The following MAML3 variants were observed in gnomAD, a reference collection of about 807,000 sequenced individuals.
MAML3 encodes mastermind like transcriptional coactivator 3, also known as mastermind-like protein 3.
A neutral mutation model predicts 101.9 loss-of-function variants in MAML3; 27 were observed. That is an observed-to-expected ratio of 0.27 (90% CI 0.20 to 0.37). The LOEUF (loss-of-function observed/expected upper bound fraction) is 0.37, where lower values mean the gene tolerates loss of function less well. Ranked by LOEUF, MAML3 falls within the 10% of genes least tolerant of loss-of-function variation. The pLI is 1.00. For synonymous variants in MAML3, 501 were observed against 555.9 expected (o/e 0.90, Z 1.39); for missense variants, 1,316 against 1,444.9 (o/e 0.91, Z 1.45).
At chr4:140,122,085 G>A (rs1728615224) in intron 1 of MAML3, among the ~76,000 whole-genome samples, 1 of 152,014 alleles carries the variant, frequency 6.6e-6, no homozygotes, top group African/African-American at 2.4e-5. Context: ...ACTGCGAGTC[G>A]ATTAAATCTC....
At chr4:139,823,641 C>T (rs764161848) in intron 2 of MAML3, among the ~76,000 whole-genome samples, 26 of 151,986 alleles carry the variant, frequency 1.7e-4, no homozygotes, top group African/African-American at 6.0e-4. Context: ...ATCATCATTC[C>T]GCCTTCCCTC....
At chr4:139,803,897 G>T (rs970166064) in intron 2 of MAML3, among the ~76,000 whole-genome samples, 2 of 152,164 alleles carry the variant, frequency 1.3e-5, no homozygotes, top group Non-Finnish European at 2.9e-5. Flanking sequence ...TCAATGTGGG[G>T]TCTTGGTTCC....
chr4:139,933,995 A>C (rs549868543), intron 1 of MAML3, among the ~76,000 whole-genome samples: 1 of 152,198 alleles, frequency 6.6e-6, no homozygotes, highest in African/African-American at 2.4e-5. Flanking sequence ...ATGTGTGACT[A>C]TATGTGAATG....
intron 1 of MAML3, among the ~76,000 whole-genome samples, chr4:140,071,339 G>A (rs534144979): frequency 6.6e-6 from 1 of 152,228 alleles, no homozygotes; most frequent in South Asian, 2.1e-4. Flanking sequence ...CTTTAGCAAG[G>A]AAATGGATCT....
intron 1 of MAML3, among the ~76,000 whole-genome samples, chr4:139,949,483 C>T (rs561448206): frequency 2.0e-4 from 31 of 152,152 alleles, no homozygotes; most frequent in African/African-American, 2.9e-4. Flanking sequence ...GATTATGCCA[C>T]GTACAATCTG....
chr4:139,836,111 C>CA (rs768642940), intron 2 of MAML3, among the ~76,000 whole-genome samples: 4 of 152,142 alleles, frequency 2.6e-5, no homozygotes, highest in Non-Finnish European at 5.9e-5. Flanking sequence ...GCTGAAATGC[C>CA]AGTAAGAAGA....
chr4:140,017,912 C>T (rs1209049830), intron 1 of MAML3, among the ~76,000 whole-genome samples: 2 of 151,580 alleles, frequency 1.3e-5, no homozygotes, highest in Admixed American at 6.6e-5. Context: ...TAAAATATTA[C>T]CATTTGGGGG....
chr4:139,767,600 G>A (rs1729891416), intron 2 of MAML3, among the ~76,000 whole-genome samples: 1 of 152,172 alleles, frequency 6.6e-6, no homozygotes, highest in African/African-American at 2.4e-5. Flanking sequence ...CACATACCTG[G>A]TGATTTTGGA....
chr4:139,847,266 C>A (rs1731467300), intron 2 of MAML3, among the ~76,000 whole-genome samples: 1 of 152,170 alleles, frequency 6.6e-6, no homozygotes, highest in Non-Finnish European at 1.5e-5. Context: ...TTAGCCTAGA[C>A]CCCAGTTTGT....
intron 2 of MAML3, among the ~76,000 whole-genome samples, chr4:139,733,384 G>A (rs1321564366): frequency 6.6e-6 from 1 of 152,114 alleles, no homozygotes; most frequent in Non-Finnish European, 1.5e-5. Context: ...CTTGTCCTGT[G>A]TGACCAGCCC....
intron 1 of MAML3, among the ~76,000 whole-genome samples, chr4:140,130,853 T>C (rs1313178910): frequency 6.6e-6 from 1 of 152,100 alleles, no homozygotes; most frequent in Non-Finnish European, 1.5e-5. Flanking sequence ...AAACCTTGCT[T>C]TCAAGTTGCT....
At chr4:139,755,351 C>G (rs1160814555) in intron 2 of MAML3, among the ~76,000 whole-genome samples, 2 of 152,200 alleles carry the variant, frequency 1.3e-5, no homozygotes, top group African/African-American at 4.8e-5. Flanking sequence ...GCCTGTAATC[C>G]CAGCACAGGC....
chr4:140,079,894 T>G (rs1020074613), intron 1 of MAML3, among the ~76,000 whole-genome samples: 2 of 152,242 alleles, frequency 1.3e-5, no homozygotes, highest in South Asian at 4.1e-4. Context: ...GTAAAATGTA[T>G]GTACTCATAG....
chr4:139,848,897 G>A (rs1348139537), intron 2 of MAML3, among the ~76,000 whole-genome samples: 3 of 152,184 alleles, frequency 2.0e-5, no homozygotes, highest in African/African-American at 7.2e-5. Flanking sequence ...CTTTGGCCAT[G>A]ATTTTGGGCT....
In MAML3 at chr4:140,137,970, C is replaced by T. The variant is rs1283751386; in HGVS notation, c.468+14890G>A. Reference sequence around the variant, plus strand: ...AAACTACTGTTACATCTTTCTGAACCTTCCAATTCCAATCTCAACCACAAA... The same window carrying T: ...AAACTACTGTTACATCTTTCTGAACTTTCCAATTCCAATCTCAACCACAAA... On this transcript the variant is annotated intron_variant, in intron 1 of 4. Transcript: ENST00000509479. Among the ~76,000 whole-genome samples the T allele has an allele frequency of 2.0e-5, 3 of 152,206 alleles. No homozygotes were observed. In the East Asian group the frequency reaches 5.8e-4, roughly 29 times the overall value.
At chr4:139,997,864 T>C (rs1734846510) in intron 1 of MAML3, among the ~76,000 whole-genome samples, 1 of 152,156 alleles carries the variant, frequency 6.6e-6, no homozygotes, top group Admixed American at 6.5e-5. Flanking sequence ...CTTTTAGTAT[T>C]CTGTCATTCT....
chr4:139,883,425 T>C (rs1442559385), intron 2 of MAML3, among the ~76,000 whole-genome samples: 1 of 152,164 alleles, frequency 6.6e-6, no homozygotes, highest in African/African-American at 2.4e-5. Context: ...AATCATAGTA[T>C]ACTACATGGC....
intron 1 of MAML3, among the ~76,000 whole-genome samples, chr4:140,081,170 T>C (rs2110968262): frequency 6.6e-6 from 1 of 152,320 alleles, no homozygotes; most frequent in East Asian, 1.9e-4. Flanking sequence ...TGCCTAGATT[T>C]TTCCCTCTGG....
chr4:139,885,091 C>T (rs1427860952), intron 2 of MAML3, among the ~76,000 whole-genome samples: 1 of 152,172 alleles, frequency 6.6e-6, no homozygotes, highest in African/African-American at 2.4e-5. Context: ...TTGAAACGTT[C>T]CCATCACATA....
Sources: allele counts gnomAD v4.1 joint callset (sites outside exome capture counted in the v4.1 genomes callset), GRCh38; gene constraint gnomAD v4.1.1; transcripts MANE v1.5; gene names NCBI Gene and HGNC (gene_info 2026-07-23, HGNC 2026-07-21).